Variants in GAB1 observed in about 807,000 individuals in gnomAD.
GAB1 encodes the protein GRB2 associated binding protein 1, also known as GRB2-associated-binding protein 1.
In GAB1, 19 loss-of-function variants were observed where a neutral mutation model predicts 66.5. The observed-to-expected ratio is 0.29, with a 90% CI of 0.20 to 0.42. GAB1 has a LOEUF of 0.42. Among genes scored for constraint, GAB1 ranks in the 10% least tolerant of loss-of-function variants. The probability of loss-of-function intolerance (pLI) is 1.00; values close to 1 mark genes in which losing one functional copy is unlikely to be tolerated. For synonymous variants in GAB1, 294 were observed against 301.4 expected, an observed-to-expected ratio of 0.98 and a Z score of 0.25; for missense variants, 732 against 858.5, an observed-to-expected ratio of 0.85 and a Z score of 1.84.
At chr4:143,444,751 A>G (rs532289073) in intron 6 of GAB1, among the ~76,000 whole-genome samples, 2 of 152,080 alleles carry the variant, frequency 1.3e-5, no homozygotes, top group Admixed American at 6.6e-5. Flanking sequence ...TAGTTTTTCA[A>G]CCCTTTCCAC....
intron 6 of GAB1, among the ~76,000 whole-genome samples, chr4:143,456,885 T>C (rs904885414): frequency 1.2e-4 from 18 of 152,228 alleles, no homozygotes; most frequent in African/African-American, 4.1e-4. Context: ...ATGGGAAGGA[T>C]GCCCTTTCAT....
chr4:143,348,958 T>G (rs1167243472), intron 1 of GAB1, among the ~76,000 whole-genome samples: 4 of 152,238 alleles, frequency 2.6e-5, no homozygotes, highest in Admixed American at 2.6e-4. Context: ...GAACCTTCTC[T>G]GAACTCCACC....
At position 143,466,223 on chromosome 4, in the gene GAB1, A is replaced by C. The variant is rs910747843; in HGVS notation, c.1924A>C (p.Lys642Gln). The C allele has an allele frequency of 4.3e-6, 7 of 1,613,372 alleles. No homozygotes were observed. Among genetic ancestry groups the C allele is most frequent in the African/African-American group, 2.7e-5 (2 of 74,912 alleles). The stretch of plus-strand genomic sequence containing the variant: ...TTCTGGGAAATCCACACCACCACGT[A>C]AGGTGAGTGACATGTGACATGTCTC... ...LDSGKSTPPR[K>Q]QKSSGSGSSV... Residue 642 changes from lysine to glutamine, a missense_variant and splice_region_variant, in exon 9 of 10, where the codon AAG becomes CAG. Coordinates refer to ENST00000262994, the MANE Select transcript of GAB1 (RefSeq NM_002039.4).
chr4:143,443,014 CTTT>C (rs755148605), intron 6 of GAB1, among the ~76,000 whole-genome samples: 2 of 126,776 alleles, frequency 1.6e-5, no homozygotes, highest in Admixed American at 7.8e-5. Context: ...TACTATTTTA[CTTT>C]TTTTTTTTTT....
intron 1 of GAB1, among the ~76,000 whole-genome samples, chr4:143,373,887 T>TATATATATATGTA (rs1560726049): frequency 1.0e-5 from 1 of 98,248 alleles, no homozygotes; most frequent in African/African-American, 4.4e-5. Context: ...ATATATATAT[T>TATATATATATGTA]TTTACCTTTC....
intron 1 of GAB1, among the ~76,000 whole-genome samples, chr4:143,360,866 G>T (rs1424732766): frequency 1.3e-5 from 2 of 152,288 alleles, no homozygotes; most frequent in Admixed American, 6.5e-5. Context: ...CAAATGCATT[G>T]CCCAAGGTAA....
intron 2 of GAB1, among the ~76,000 whole-genome samples, chr4:143,430,654 G>A (rs935580006): frequency 6.6e-6 from 1 of 152,160 alleles, no homozygotes; most frequent in Non-Finnish European, 1.5e-5. Flanking sequence ...TTGCCAAAAT[G>A]ATGACTCAAA....
At chr4:143,453,393 G>A (rs967550314) in intron 6 of GAB1, among the ~76,000 whole-genome samples, 3 of 152,092 alleles carry the variant, frequency 2.0e-5, no homozygotes, top group African/African-American at 7.2e-5. Flanking sequence ...AGGTAATGAA[G>A]ATGAAGAAGA....
intron 6 of GAB1, among the ~76,000 whole-genome samples, chr4:143,452,321 G>T (rs1403118686): frequency 6.6e-6 from 1 of 152,118 alleles, no homozygotes; most frequent in East Asian, 1.9e-4. Context: ...AAGGGCTTTA[G>T]CTTTTAAGAG....
chr4:143,456,456 C>CAA (rs5862641), intron 6 of GAB1, among the ~76,000 whole-genome samples: 4,140 of 139,752 alleles, frequency 0.03, 96 homozygotes, highest in South Asian at 0.11. Context: ...GACTCCGTCT[C>CAA]AAAAAAAAAA....
intron 6 of GAB1, among the ~76,000 whole-genome samples, chr4:143,447,059 C>T (rs1188753882): frequency 6.6e-6 from 1 of 152,116 alleles, no homozygotes; most frequent in Non-Finnish European, 1.5e-5. Flanking sequence ...GGAATCCTTT[C>T]CCCATTTCTT....
In GAB1 at chr4:143,425,070, G is replaced by A. The variant is rs1214193780; in HGVS notation, c.368-8421G>A. 19 of 905,512 alleles carry A rather than the reference G, an allele frequency of 2.1e-5. No homozygotes were observed. The South Asian group carries it at 2.2e-4, about 11-fold the overall frequency. The allele number at this position is 905,512 out of a possible 1,614,324, so 56.1% of individuals were successfully genotyped here. A position where few individuals can be genotyped will look rare whatever the true frequency, so the allele number is the denominator to read the frequency against. Reference sequence around the variant, plus strand: ...TTTCACAATGTCCAGAGCCCTTGATGTCCTGCAAATGAAGGAGGATGTCCT... The same window carrying A: ...TTTCACAATGTCCAGAGCCCTTGATATCCTGCAAATGAAGGAGGATGTCCT... On this transcript the variant is annotated intron_variant, in intron 2 of 9. Coordinates refer to ENST00000262994, the MANE Select transcript of GAB1 (RefSeq NM_002039.4).
Position 143,438,051 on chromosome 4 carries a change from A to G in GAB1, c.646A>G (p.Asn216Asp). ...CTCTTCTGAAACAGACTGCAATGAT[A>G]ACGTCCCTTCTCATAAAAATCCTGC... ...STSSETDCNDNVPSHKNPASS... is the reference protein window; with the variant it reads ...STSSETDCNDDVPSHKNPASS... The change falls in exon 4 of 10, where the codon AAC becomes GAC. Residue 216 changes from asparagine (N) to aspartate (D), a missense_variant. Around this residue, in one of 4 missense-constraint regions of GAB1, gnomAD observed 427 missense variants for 420.6 expected, o/e 1.02. Coordinates refer to ENST00000262994, the MANE Select transcript of GAB1 (RefSeq NM_002039.4). 2.5e-6 allele frequency: 4 copies of G among 1,614,058 alleles called. No homozygotes were observed. Among genetic ancestry groups the G allele is most frequent in the Non-Finnish European group, 3.4e-6 (4 of 1,179,940 alleles).
intron 1 of GAB1, among the ~76,000 whole-genome samples, chr4:143,353,560 C>T (rs1729312174): frequency 6.6e-6 from 1 of 151,190 alleles, no homozygotes; most frequent in South Asian, 2.1e-4. Flanking sequence ...TTCCAGCTAC[C>T]TACTGAATGC....
rs112040117 is a variant in GAB1 at position 143,350,007 on chromosome 4, A to G, written c.72+12747A>G. The G allele has an allele frequency of 6.2e-3, 9,784 of 1,571,250 alleles. 481 individuals are homozygous for G. In the African/African-American group the frequency reaches 0.11, roughly 18 times the overall value. The stretch of plus-strand genomic sequence containing the variant: ...CCTTATCCTCGGCCTTGCCTCCGCG[A>G]CCCCGGCCCCGGATGCCACTGCCGA... On this transcript the variant is annotated intron_variant, in intron 1 of 9. Coordinates refer to ENST00000262994, the MANE Select transcript of GAB1 (RefSeq NM_002039.4).
chr4:143,341,478 C>T (rs1462168423), intron 1 of GAB1, among the ~76,000 whole-genome samples: 1 of 152,194 alleles, frequency 6.6e-6, no homozygotes, highest in East Asian at 1.9e-4. Context: ...TAAGTTTGGG[C>T]TCCTCCATAG....
In GAB1 at chr4:143,433,705, C is replaced by G. The variant is rs141833843; in HGVS notation, c.582C>G (p.Pro194=). 3 of 1,613,332 alleles carry G rather than the reference C, an allele frequency of 1.9e-6. No individual in the cohort carries two copies. Among genetic ancestry groups the G allele is most frequent in the Non-Finnish European group, 2.5e-6 (3 of 1,179,402 alleles). Reference sequence around the variant, plus strand: ...TCATCAACTGTCAAAGCAAGAAGCCCGAACCCACCAGGTAAATTATATATG... The same window carrying G: ...TCATCAACTGTCAAAGCAAGAAGCCGGAACCCACCAGGTAAATTATATATG... ...LLLINCQSKK[P]EPTRTHADSA... is the part of the protein sequence containing the mutation. The change falls in exon 3 of 10, where the codon CCC becomes CCG. Residue 194 remains proline, a synonymous_variant. Transcript: ENST00000262994.
chr4:143,446,781 A>G (rs1734576234), intron 6 of GAB1, among the ~76,000 whole-genome samples: 2 of 151,776 alleles, frequency 1.3e-5, no homozygotes, highest in Admixed American at 1.3e-4. Flanking sequence ...TTTGCTGTGC[A>G]GAAGCTCTTT....
chr4:143,380,158 A>T (rs904415307), intron 1 of GAB1, among the ~76,000 whole-genome samples: 4 of 151,364 alleles, frequency 2.6e-5, no homozygotes, highest in Non-Finnish European at 4.4e-5. Flanking sequence ...CATGGGCCTC[A>T]GTTTTTTTAT....
Sources: allele counts gnomAD v4.1 joint callset (sites outside exome capture counted in the v4.1 genomes callset), GRCh38; gene constraint gnomAD v4.1.1; regional missense constraint gnomAD v4.1.1; transcripts MANE v1.5; gene names NCBI Gene and HGNC (gene_info 2026-07-23, HGNC 2026-07-21).